Variants in RPS6KA2 observed in about 807,000 individuals in gnomAD.
RPS6KA2 encodes ribosomal protein S6 kinase alpha-2.
In RPS6KA2, 42 loss-of-function variants were observed where a neutral mutation model predicts 91.8. That is an observed-to-expected ratio of 0.46 (90% CI 0.36 to 0.59). The LOEUF (loss-of-function observed/expected upper bound fraction) is 0.59. Among genes scored for constraint, RPS6KA2 ranks in the 20% least tolerant of loss-of-function variants. RPS6KA2 has a pLI of 0.00. For missense variants in RPS6KA2, 798 were observed against 978.5 expected (o/e 0.82, Z 2.46); for synonymous variants, 414 against 393.6 (o/e 1.05, Z -0.61).
At chr6:166,830,077 A>C (rs1780143260) in intron 2 of RPS6KA2, among the ~76,000 whole-genome samples, 1 of 150,628 alleles carries the variant, frequency 6.6e-6, no homozygotes, top group East Asian at 1.9e-4. Context: ...ATGAGCCGAG[A>C]TCGCACCATT....
intron 1 of RPS6KA2, among the ~76,000 whole-genome samples, chr6:166,540,715 C>A (rs975352267): frequency 6.6e-6 from 1 of 152,174 alleles, no homozygotes; most frequent in Admixed American, 6.5e-5. Flanking sequence ...CAGGACCATG[C>A]TAGCCACCCG....
At chr6:166,429,604 C>A (rs1448448707) in intron 16 of RPS6KA2, among the ~76,000 whole-genome samples, 1 of 151,728 alleles carries the variant, frequency 6.6e-6, no homozygotes, top group Non-Finnish European at 1.5e-5. Context: ...GTGTGTGCCA[C>A]CAAGCCTGGC....
intron 1 of RPS6KA2, among the ~76,000 whole-genome samples, chr6:166,570,100 G>A (rs1288872654): frequency 6.6e-6 from 1 of 152,184 alleles, no homozygotes; most frequent in African/African-American, 2.4e-5. Flanking sequence ...TCCAGTATGA[G>A]GGTGACAAAG....
intron 10 of RPS6KA2, among the ~76,000 whole-genome samples, chr6:166,479,572 C>T (rs971147958): frequency 2.6e-5 from 4 of 152,250 alleles, no homozygotes; most frequent in Admixed American, 2.6e-4. Flanking sequence ...TGCTAACCGC[C>T]AGGGGGTGGC....
At chr6:166,684,243 A>G (rs920070903) in intron 2 of RPS6KA2, among the ~76,000 whole-genome samples, 3 of 152,236 alleles carry the variant, frequency 2.0e-5, no homozygotes, top group South Asian at 4.1e-4. Context: ...TACTATTGCC[A>G]TGGCAACCCC....
intron 2 of RPS6KA2, among the ~76,000 whole-genome samples, chr6:166,747,700 C>G (rs1280639433): frequency 6.6e-6 from 1 of 152,180 alleles, no homozygotes; most frequent in African/African-American, 2.4e-5. Flanking sequence ...CTGGTGTGCT[C>G]TTTACAGCAA....
intron 2 of RPS6KA2, among the ~76,000 whole-genome samples, chr6:166,773,298 A>G (rs1031217475): frequency 6.6e-6 from 1 of 152,072 alleles, no homozygotes; most frequent in Non-Finnish European, 1.5e-5. Context: ...AGTGTGCCCT[A>G]ATGAGGGGCT....
At chr6:166,789,433 G>C (rs1350314037) in intron 2 of RPS6KA2, among the ~76,000 whole-genome samples, 1 of 152,248 alleles carries the variant, frequency 6.6e-6, no homozygotes, top group Non-Finnish European at 1.5e-5. Context: ...TCCGCCTCTG[G>C]GGGCAGGGCA....
chr6:166,715,210 G>T (rs1038177344), intron 2 of RPS6KA2, among the ~76,000 whole-genome samples: 1 of 152,216 alleles, frequency 6.6e-6, no homozygotes, highest in African/African-American at 2.4e-5. Flanking sequence ...CCTCCTGGTG[G>T]CTTCCCTCCA....
rs1024241546 is a variant in RPS6KA2, at chr6:166,666,186, A to T, written c.124-127402T>A. On this transcript the variant is annotated intron_variant, in intron 2 of 21. Coordinates refer to the RPS6KA2 transcript ENST00000503859. This position sits in a 1 kb window ranked among gnomAD's most constrained non-coding sequence, Gnocchi z 4.0. ...TCTTTCAGCAAGGCCTGCCTGGGTC[A>T]CGGGGTCTGCCCCATCTAGTGAGTG... 1.3e-5 allele frequency among the ~76,000 whole-genome samples: 2 copies of T among 152,228 alleles called. No homozygotes were observed. The highest frequency in any genetic ancestry group is 2.4e-5 in the African/African-American group (1 of 41,468).
In RPS6KA2 at chr6:166,538,724, C is replaced by A; in HGVS notation, c.160G>T (p.Ala54Ser). The change falls in exon 2 of 21, where the codon GCA becomes TCA. Residue 54 changes from alanine to serine, a missense_variant. Ala to Ser is a moderately conservative substitution (Grantham distance 99). Transcript: ENST00000265678. Reference sequence around the variant, plus strand: ...AGCAGCTCAAACTGGGAAGGATCTGCCTTCTCAAAGCCCTCCTTCACATGA... The same window carrying A: ...AGCAGCTCAAACTGGGAAGGATCTGACTTCTCAAAGCCCTCCTTCACATGA... ...SHHVKEGFEK[A>S]DPSQFELLKV... 1 of 1,612,610 alleles carries A rather than the reference C, an allele frequency of 6.2e-7. No individual in the cohort carries two copies. The highest frequency in any genetic ancestry group is 1.3e-5 in the African/African-American group (1 of 75,018).
At chr6:166,843,973 A>C (rs1780550059) in intron 2 of RPS6KA2, among the ~76,000 whole-genome samples, 1 of 152,184 alleles carries the variant, frequency 6.6e-6, no homozygotes, top group African/African-American at 2.4e-5. Context: ...AAGCTACTTA[A>C]GGAGGCACCA....
At chr6:166,730,861 G>C (rs1790490344) in intron 2 of RPS6KA2, among the ~76,000 whole-genome samples, 1 of 152,164 alleles carries the variant, frequency 6.6e-6, no homozygotes, top group Non-Finnish European at 1.5e-5. Flanking sequence ...AGAATCTGTA[G>C]TATCCGGGTA....
intron 16 of RPS6KA2, 44 bp downstream of exon 16, chr6:166,430,409 G>T (rs1323035194): frequency 2.5e-6 from 4 of 1,571,152 alleles, no homozygotes; most frequent in Non-Finnish European, 2.6e-6. Flanking sequence ...TTCCTGCCCT[G>T]AAGCTCCCTC....
intron 1 of RPS6KA2, among the ~76,000 whole-genome samples, chr6:166,544,232 C>A (rs773641175): frequency 6.6e-6 from 1 of 152,216 alleles, no homozygotes; most frequent in South Asian, 2.1e-4. Context: ...TGTAGTCTAC[C>A]ACGCCGCTAG....
chr6:166,627,047 C>T lies in RPS6KA2; in HGVS notation c.-28G>A, dbSNP rs1435801033. On this transcript the variant is annotated 5_prime_UTR_variant, in exon 1 of 21. Transcript: ENST00000265678. ...CCCCGCGCCCAGCCCGGAGCAGCCGCAGGGCCGGGGGACGCGCATCCCCGG... is the reference window on the plus strand; with the variant it reads ...CCCCGCGCCCAGCCCGGAGCAGCCGTAGGGCCGGGGGACGCGCATCCCCGG... The T allele has an allele frequency of 2.8e-6, 4 of 1,404,442 alleles. No homozygotes were observed. Among genetic ancestry groups the T allele is most frequent in the Non-Finnish European group, 3.8e-6 (4 of 1,063,444 alleles). The allele number at this position is 1,404,442 out of a possible 1,614,324, so 87.0% of individuals were successfully genotyped here. A position where few individuals can be genotyped will look rare whatever the true frequency, so the allele number is the denominator to read the frequency against.
intron 2 of RPS6KA2, among the ~76,000 whole-genome samples, chr6:166,836,872 C>A (rs1780330758): frequency 6.6e-6 from 1 of 152,220 alleles, no homozygotes; most frequent in Non-Finnish European, 1.5e-5. Context: ...ACCTCGGTCC[C>A]TGAGCCGGGA....
intron 2 of RPS6KA2, among the ~76,000 whole-genome samples, chr6:166,697,533 T>A (rs742267): frequency 0.28 from 43,212 of 152,148 alleles, 7,817 homozygotes; most frequent in African/African-American, 0.53. Context: ...GAAGGCTGAA[T>A]ATCCAATTTG....
At chr6:166,718,630 A>T (rs1790087714) in intron 2 of RPS6KA2, among the ~76,000 whole-genome samples, 1 of 152,230 alleles carries the variant, frequency 6.6e-6, no homozygotes, top group Admixed American at 6.5e-5. Flanking sequence ...GCCCCCAAAC[A>T]TGAATTAATG....
Sources: gnomAD v4.1 joint callset for allele counts (sites outside exome capture counted in the v4.1 genomes callset) on GRCh38, gnomAD v4.1.1 for gene constraint, Gnocchi (gnomAD v3.1) non-coding constraint, MANE v1.5 for transcripts, NCBI Gene and HGNC (gene_info 2026-07-23, HGNC 2026-07-21) for gene names.